SRSF1: variants seen among roughly 807,000 people sequenced by gnomAD.
SRSF1 encodes serine/arginine-rich splicing factor 1.
Under a neutral mutation model 25.9 loss-of-function variants are expected in SRSF1, and 1 was observed. The ratio of observed to expected loss-of-function variants is 0.04; its 90% confidence interval spans 0.01 to 0.18. SRSF1 has a LOEUF of 0.18. SRSF1 is among the 10% of genes least tolerant of loss of function. The pLI, the probability that SRSF1 is intolerant of heterozygous loss-of-function variation, is 1.00. For missense variants in SRSF1, 65 were observed against 350.5 expected (o/e 0.19, Z 6.50); for synonymous variants, 132 against 126.2 (o/e 1.05, Z -0.31).
chr17:57,989,725 TG>T, the SRSF1 span: 1 of 398,628 alleles, frequency 2.5e-6, no homozygotes, highest in Non-Finnish European at 4.4e-6. Context: ...CTGGAGGCCT[TG>T]GGGATGAATG....
chr17:58,000,252 G>A (rs1184521674), downstream of SRSF1, among the ~76,000 whole-genome samples: 1 of 152,112 alleles, frequency 6.6e-6, no homozygotes, highest in Non-Finnish European at 1.5e-5. Flanking sequence ...GCACCGTGAA[G>A]GTCTCAATAA....
chr17:57,998,540 A>G (rs536156257), downstream of SRSF1, among the ~76,000 whole-genome samples: 1 of 152,234 alleles, frequency 6.6e-6, no homozygotes, highest in South Asian at 2.1e-4. Flanking sequence ...TCATTTGCCT[A>G]ATTTGTGGCT....
rs1443660795 is a variant in SRSF1, at chr17:58,006,412, C to T, written c.310G>A (p.Gly104Ser). ...TAGCGACCTCGGGGAGCTCCGCCAC[C>T]TCCACCCCCGCCGCCGCCTCGGCCT... Reference protein sequence around the residue: ...GTGRGGGGGGGGGAPRGRYGP... With the variant: ...GTGRGGGGGGSGGAPRGRYGP... Residue 104 changes from glycine (G) to serine (S), a missense_variant, in exon 2 of 4, where the codon GGT becomes AGT. Transcript: ENST00000258962. 1.2e-6 allele frequency: 2 copies of T among 1,613,144 alleles called. No individual in the cohort carries two copies. The highest frequency in any genetic ancestry group is 8.5e-7 in the Non-Finnish European group (1 of 1,180,012).
At chr17:57,995,459 CTG>C in the SRSF1 span, among the ~76,000 whole-genome samples, 2 of 152,328 alleles carry the variant, frequency 1.3e-5, no homozygotes, top group Admixed American at 1.3e-4. Flanking sequence ...AGAGAGCTGG[CTG>C]TGCACTGCAC....
downstream of SRSF1, among the ~76,000 whole-genome samples, chr17:57,997,258 CAT>C (rs2075368904): frequency 6.6e-6 from 1 of 152,172 alleles, no homozygotes; most frequent in Non-Finnish European, 1.5e-5. Flanking sequence ...CTTAGGCTAG[CAT>C]TTAGATTAAT....
rs2075436965 is a variant in SRSF1 at position 58,007,209 on chromosome 17, C to T, written c.-72G>A. 4 of 1,563,740 alleles carry T rather than the reference C, an allele frequency of 2.6e-6. No homozygotes were observed. Among genetic ancestry groups the T allele is most frequent in the East Asian group, 2.3e-5 (1 of 44,304 alleles). On this transcript the variant is annotated 5_prime_UTR_variant, in exon 1 of 4. Coordinates refer to ENST00000258962, the MANE Select transcript of SRSF1 (RefSeq NM_006924.5). Reference sequence around the variant, plus strand: ...CCTAGCGCACGGCAGAGCGAGCCCGCAGCGGCACCACGTCTCCCGCGGCCC... The same window carrying T: ...CCTAGCGCACGGCAGAGCGAGCCCGTAGCGGCACCACGTCTCCCGCGGCCC...
At chr17:58,006,754 G>A (rs1233313673) in intron 1 of SRSF1, 190 bp downstream of exon 1, 4 of 879,826 alleles carry the variant, frequency 4.5e-6, no homozygotes, top group South Asian at 1.8e-5. Flanking sequence ...GGGCTCCGGG[G>A]ACGTCCAAGG....
chr17:57,991,223 T>C, the SRSF1 span: 2 of 152,260 alleles, frequency 1.3e-5, no homozygotes, highest in South Asian at 2.1e-4. Flanking sequence ...AAATCTGTTG[T>C]TCTAAACACA....
chr17:57,994,954 A>G, the SRSF1 span: 1 of 152,232 alleles, frequency 6.6e-6, no homozygotes, highest in African/African-American at 2.4e-5. Flanking sequence ...CAAGCCTTGC[A>G]AAGAAATAAT....
At chr17:57,996,082 G>A (rs1169946433), downstream of SRSF1, among the ~76,000 whole-genome samples, 1 of 152,142 alleles carries the variant, frequency 6.6e-6, no homozygotes, top group Non-Finnish European at 1.5e-5. Flanking sequence ...TAAGCTATGT[G>A]GCACACCTGC....
Position 58,000,984 on chromosome 17 carries a change from A to G in SRSF1, c.*4422T>C, listed in dbSNP as rs1187833788. 2.0e-5 allele frequency among the ~76,000 whole-genome samples: 3 copies of G among 152,252 alleles called. No homozygotes were observed. The highest frequency in any genetic ancestry group is 3.9e-4 in the East Asian group (2 of 5,188). ...AATCTTTTGTTTTCGTAGTTTTTGG[A>G]TTTCAAAAAATGGATAAGAGACTGT... is the stretch of plus-strand genomic sequence containing the variant. On this transcript the variant is annotated 3_prime_UTR_variant, in exon 4 of 4. Transcript: ENST00000258962.
Position 58,005,150 on chromosome 17 carries a change from T to C in SRSF1, c.*256A>G. 1 of 534,098 alleles carries C rather than the reference T, an allele frequency of 1.9e-6. No individual in the cohort carries two copies. The highest frequency in any genetic ancestry group is 3.3e-6 in the Non-Finnish European group (1 of 304,610). The allele number at this position is 534,098 out of a possible 1,614,324, so 33.1% of individuals were successfully genotyped here. A position where few individuals can be genotyped will look rare whatever the true frequency, so the allele number is the denominator to read the frequency against. On this transcript the variant is annotated 3_prime_UTR_variant, in exon 4 of 4. Transcript: ENST00000258962. This position sits in a 1 kb window ranked among gnomAD's most constrained non-coding sequence, Gnocchi z 5.2. ...CACACAAACCAGGGCAGATAGACAT[T>C]TACACAATATCACAGTCTGAAGAGT... is the stretch of plus-strand genomic sequence containing the variant.
At chr17:57,994,225 C>T in the SRSF1 span, 2 of 152,110 alleles carry the variant, frequency 1.3e-5, no homozygotes, top group Admixed American at 1.3e-4. Flanking sequence ...GTAATTTTTC[C>T]GTGGCCTCCT....
chr17:58,006,064 G>T, intron 2 of SRSF1, 91 bp from the exon 3 acceptor site: 1 of 1,242,608 alleles, frequency 8.0e-7, no homozygotes, highest in Non-Finnish European at 1.1e-6. Context: ...GTACTTTAAA[G>T]TACTTAATAG....
chr17:58,006,745 G>A (rs1211381364), intron 1 of SRSF1, 199 bp downstream of exon 1: 6 of 877,318 alleles, frequency 6.8e-6, no homozygotes, highest in Non-Finnish European at 1.0e-5. Flanking sequence ...CCTGCGAATG[G>A]GCTCCGGGGA....
At chr17:58,000,832 C>A (rs1020293710), downstream of SRSF1, among the ~76,000 whole-genome samples, 1 of 152,146 alleles carries the variant, frequency 6.6e-6, no homozygotes, top group Non-Finnish European at 1.5e-5. Flanking sequence ...ATAAAACCCT[C>A]AGCAAAGTCT....
At chr17:57,990,739 C>A in the SRSF1 span, 1 of 152,278 alleles carries the variant, frequency 6.6e-6, no homozygotes. Context: ...ATGGTATTAC[C>A]TTCAGCCATG....
At position 58,002,674 on chromosome 17, in the gene SRSF1, T is replaced by C. The variant is rs2075400139; in HGVS notation, c.*2732A>G. Among the ~76,000 whole-genome samples the C allele has an allele frequency of 6.6e-6, 1 of 152,198 alleles. No homozygotes were observed. Among genetic ancestry groups the C allele is most frequent in the Non-Finnish European group, 1.5e-5 (1 of 68,046 alleles). On this transcript the variant is annotated 3_prime_UTR_variant, in exon 4 of 4. Coordinates refer to ENST00000258962, the MANE Select transcript of SRSF1 (RefSeq NM_006924.5). ...ATGATTCATCCAAAGAAGCAGTTAATCTTGTGCACTCTTCCCTTTCAAAAA... is the reference window on the plus strand; with the variant it reads ...ATGATTCATCCAAAGAAGCAGTTAACCTTGTGCACTCTTCCCTTTCAAAAA...
At chr17:57,997,775 T>C (rs928599888), downstream of SRSF1, among the ~76,000 whole-genome samples, 8 of 152,216 alleles carry the variant, frequency 5.3e-5, no homozygotes, top group Non-Finnish European at 8.8e-5. Context: ...ATCTAAATCA[T>C]AGATGCGGTG....
Sources: gnomAD v4.1 joint callset for allele counts (sites outside exome capture counted in the v4.1 genomes callset) on GRCh38, gnomAD v4.1.1 for gene constraint, Gnocchi (gnomAD v3.1) non-coding constraint, MANE v1.5 for transcripts, NCBI Gene and HGNC (gene_info 2026-07-23, HGNC 2026-07-21) for gene names.